DSP: variants seen among roughly 807,000 people sequenced by gnomAD.
DSP encodes the protein desmoplakin, also known as 250/210 kDa paraneoplastic pemphigus antigen.
DSP carries 114 observed loss-of-function variants against 290.6 expected under a neutral mutation model. That is an observed-to-expected ratio of 0.39 (90% CI 0.34 to 0.46). The LOEUF is 0.46. Among genes scored for constraint, DSP ranks in the 20% least tolerant of loss-of-function variants. DSP has a pLI of 0.99. For missense variants in DSP, 3,230 were observed against 3,495.8 expected, an observed-to-expected ratio of 0.92 and a Z score of 1.92; for synonymous variants, 1,311 against 1,316.4, an observed-to-expected ratio of 1.00 and a Z score of 0.09.
intron 20 of DSP, 151 bp from the exon 21 acceptor site, chr6:7,577,628 A>G: frequency 2.7e-6 from 2 of 731,794 alleles, no homozygotes; most frequent in Admixed American, 3.8e-5. Flanking sequence ...ACGCTAATGT[A>G]GTATTAGTTG....
chr6:7,569,480 A>G, intron 12 of DSP, 140 bp downstream of exon 12: 1 of 1,260,754 alleles, frequency 7.9e-7, no homozygotes, highest in East Asian at 2.4e-5. Context: ...AACCTTGTGA[A>G]GGTCACCTTC....
chr6:7,544,283 G>A (rs372578382), intron 1 of DSP, among the ~76,000 whole-genome samples: 1 of 152,296 alleles, frequency 6.6e-6, no homozygotes, highest in African/African-American at 2.4e-5. Flanking sequence ...TGAAGGCAGG[G>A]CATGTCGCAG....
In DSP at chr6:7,581,456, C is replaced by G; in HGVS notation, c.5266C>G (p.Leu1756Val). Residue 1756 changes from leucine to valine, a missense_variant, in exon 23 of 24, where the codon CTG becomes GTG. Physicochemically the swap from Leu to Val is conservative, Grantham distance 32. Coordinates refer to ENST00000379802, the MANE Select transcript of DSP (RefSeq NM_004415.4). ...NATILELRSQLQISNNRTLEL... is the reference protein window; with the variant it reads ...NATILELRSQVQISNNRTLEL... ...AACCATCTTGGAACTAAGGAGCCAG[C>G]TGCAGATCAGCAACAACCGGACCCT... 1 of 1,612,674 alleles carries G rather than the reference C, an allele frequency of 6.2e-7. No homozygotes were observed.
Position 7,569,270 on chromosome 6 carries a change from G to A in DSP, c.1504G>A (p.Asp502Asn), listed in dbSNP as rs750547425. The change falls in exon 12 of 24, where the codon GAC (aspartate) becomes AAC (asparagine). Residue 502 changes from aspartate (D) to asparagine (N), a missense_variant. Transcript: ENST00000379802. ...KWYVTGPGGV[D>N]MLVPSVGLII... ...GTACGTGACGGGCCCGGGAGGCGTT[G>A]ACATGCTTGTTCCCTCTGTGGGGCT... 1.2e-6 allele frequency: 2 copies of A among 1,614,204 alleles called. No homozygotes were observed. The highest frequency in any genetic ancestry group is 1.6e-4 in the Middle Eastern group (1 of 6,062).
rs1487768201 is a variant in DSP at position 7,584,760 on chromosome 6, G to A, written c.7498G>A (p.Glu2500Lys). The part of the protein sequence containing the change: ...YETFKELCEQ[E>K]CEWEEITITG... ...AACCTTCAAAGAACTGTGTGAGCAG[G>A]AATGTGAATGGGAAGAAATAACCAT... The change falls in exon 24 of 24, where the codon GAA (glutamate) becomes AAA (lysine). Residue 2500 changes from glutamate (E) to lysine (K), a missense_variant. Around this residue, in one of 5 missense-constraint regions of DSP, gnomAD observed 582 missense variants for 555.4 expected, o/e 1.05. Coordinates refer to ENST00000379802, the MANE Select transcript of DSP (RefSeq NM_004415.4). The surrounding 1 kb of genome is among the most constrained non-coding windows in gnomAD (Gnocchi z 6.4). 6.2e-7 allele frequency: 1 copy of A among 1,614,224 alleles called. No homozygotes were observed. Among genetic ancestry groups the A allele is most frequent in the Non-Finnish European group, 8.5e-7 (1 of 1,180,040 alleles).
chr6:7,557,238 T>A (rs1418220022), intron 2 of DSP, among the ~76,000 whole-genome samples: 1 of 152,202 alleles, frequency 6.6e-6, no homozygotes, highest in Admixed American at 6.5e-5. Context: ...TATAGACTCA[T>A]AAGAAGTTGC....
Position 7,565,129 on chromosome 6 carries a change from C to T in DSP, c.778-230C>T, listed in dbSNP as rs977891788. Among the ~76,000 whole-genome samples, 3 of 151,688 alleles carry T rather than the reference C, an allele frequency of 2.0e-5. No individual in the cohort carries two copies. The highest frequency in any genetic ancestry group is 7.3e-5 in the African/African-American group (3 of 41,276). ...TGCCACTGCACTCCAGCCTGGGAGA[C>T]GAGAGCGACAGTCCGTCTCAAAAAA... On this transcript the variant is annotated intron_variant, in intron 6 of 23. Coordinates refer to ENST00000379802, the MANE Select transcript of DSP (RefSeq NM_004415.4). This position sits in a 1 kb window ranked among gnomAD's most constrained non-coding sequence, Gnocchi z 4.2.
In DSP at chr6:7,571,838, A is replaced by G. The variant is rs1040751456; in HGVS notation, c.1904-4A>G. On this transcript the variant is annotated splice_polypyrimidine_tract_variant and splice_region_variant and intron_variant, in intron 14 of 23. Transcript: ENST00000379802. ...ATTTTTGTGGCCCTAACTTCTTTTT[A>G]CAGTGACCACAACTGAAATCACTCA... The G allele has an allele frequency of 1.9e-6, 3 of 1,611,488 alleles. No individual in the cohort carries two copies. The African/African-American group carries it at 4.0e-5, about 22-fold the overall frequency.
At position 7,571,962 on chromosome 6, in the gene DSP, T is replaced by G. The variant is rs1341087245; in HGVS notation, c.2024T>G (p.Ile675Ser). ...ETWMLMELQKIRRQIEHCEGR... is the reference protein window; with the variant it reads ...ETWMLMELQKSRRQIEHCEGR... ...TGGATGCTGATGGAGCTGCAGAAGA[T>G]TCGCAGGCAGATAGAGCACTGCGAG... Residue 675 changes from isoleucine (I) to serine (S), a missense_variant, in exon 15 of 24, where the codon ATT (isoleucine) becomes AGT (serine). Around this residue, in one of 5 missense-constraint regions of DSP, gnomAD observed 1,714 missense variants for 1,844.5 expected, o/e 0.93. Coordinates refer to ENST00000379802, the MANE Select transcript of DSP (RefSeq NM_004415.4). 1 of 1,614,160 alleles carries G rather than the reference T, an allele frequency of 6.2e-7. No individual in the cohort carries two copies. The highest frequency in any genetic ancestry group is 1.3e-5 in the African/African-American group (1 of 75,028).
chr6:7,546,118 C>A (rs73373389), intron 1 of DSP, among the ~76,000 whole-genome samples: 1,964 of 152,126 alleles, frequency 0.013, 35 homozygotes, highest in African/African-American at 0.044. Context: ...CTTAAGGAAG[C>A]CATTGCACCA....
Position 7,563,762 on chromosome 6 carries a change from G to A in DSP, c.753G>A (p.Leu251=). The A allele has an allele frequency of 6.2e-7, 1 of 1,613,634 alleles. No individual in the cohort carries two copies. The highest frequency in any genetic ancestry group is 1.1e-5 in the South Asian group (1 of 91,070). ...GCGAGAAATCTGCGATCTACCAGTT[G>A]GAGGAGGAGTATGAAAACCTGCTGG... ...DLREKSAIYQ[L]EEEYENLLKA... The change falls in exon 6 of 24, where the codon TTG becomes TTA. Residue 251 remains leucine, a synonymous_variant. Transcript: ENST00000379802.
intron 3 of DSP, 47 bp from the exon 4 acceptor site, chr6:7,559,179 T>C: frequency 6.2e-7 from 1 of 1,611,606 alleles, no homozygotes. Context: ...GAACGGGTTT[T>C]CATAGGCTGT....
At chr6:7,566,233 G>A (rs1758859948) in intron 7 of DSP, 144 bp from the exon 8 acceptor site, 7 of 724,940 alleles carry the variant, frequency 9.7e-6, no homozygotes, top group Admixed American at 8.4e-5. Context: ...AAAATGCTGT[G>A]ATTCTTGAGG....
At position 7,583,140 on chromosome 6, in the gene DSP, A is replaced by C. The variant is rs1581821210; in HGVS notation, c.5878A>C (p.Thr1960Pro). The C allele has an allele frequency of 6.2e-7, 1 of 1,614,064 alleles. No homozygotes were observed. The highest frequency in any genetic ancestry group is 2.2e-5 in the East Asian group (1 of 44,872). ...AGAGACCCAGACTGAGTGTGAGTGG[A>C]CCGTTGACACCTCCAAGCTGGTGTT... The part of the protein sequence containing the change: ...HRETQTECEW[T>P]VDTSKLVFDG... Residue 1960 changes from threonine to proline, a missense_variant, in exon 24 of 24, where the codon ACC becomes CCC. Thr to Pro is a conservative substitution (Grantham distance 38). Transcript: ENST00000379802. This position sits in a 1 kb window ranked among gnomAD's most constrained non-coding sequence, Gnocchi z 4.0.
At chr6:7,568,026 G>C in intron 10 of DSP, 120 bp downstream of exon 10, 1 of 1,448,840 alleles carries the variant, frequency 6.9e-7, no homozygotes, top group East Asian at 2.5e-5. Flanking sequence ...AGCCAAGCAA[G>C]CATTTTCTTC....
intron 12 of DSP, 147 bp downstream of exon 12, chr6:7,569,487 C>A: frequency 8.4e-7 from 1 of 1,189,426 alleles, no homozygotes; most frequent in Non-Finnish European, 1.2e-6. Flanking sequence ...TGAAGGTCAC[C>A]TTCACTTTGT....
chr6:7,544,208 G>C (rs1758104663), intron 1 of DSP, among the ~76,000 whole-genome samples: 1 of 152,204 alleles, frequency 6.6e-6, no homozygotes, highest in Admixed American at 6.5e-5. Flanking sequence ...GCCTGCAGTG[G>C]TGCTACTGAC....
chr6:7,580,875 C>A lies in DSP; in HGVS notation c.4685C>A (p.Ser1562Tyr), dbSNP rs1157689024. ...CAGGATATCACGCGGTTCCAGAACT[C>A]TCTGAAAGAGCTGCAGCTGCAGAAG... Reference protein sequence around the residue: ...KDQDITRFQNSLKELQLQKQK... With the variant: ...KDQDITRFQNYLKELQLQKQK... The change falls in exon 23 of 24, where the codon TCT (serine) becomes TAT (tyrosine). Residue 1562 changes from serine (S) to tyrosine (Y), a missense_variant. Physicochemically the swap from Ser to Tyr is moderately radical, Grantham distance 144. Transcript: ENST00000379802. The surrounding 1 kb of genome is among the most constrained non-coding windows in gnomAD (Gnocchi z 4.2). 1.2e-5 allele frequency: 19 copies of A among 1,614,046 alleles called. No individual in the cohort carries two copies. Among genetic ancestry groups the A allele is most frequent in the Non-Finnish European group, 1.6e-5 (19 of 1,180,048 alleles).
At chr6:7,563,686 A>G (rs1383000226) in intron 5 of DSP, 50 bp from the exon 6 acceptor site, 6 of 1,513,148 alleles carry the variant, frequency 4.0e-6, no homozygotes, top group Non-Finnish European at 5.5e-6. Context: ...ACTCTTTTCT[A>G]TACAATCCAC....
Sources: allele counts gnomAD v4.1 joint callset (sites outside exome capture counted in the v4.1 genomes callset), GRCh38; gene constraint gnomAD v4.1.1; regional missense constraint gnomAD v4.1.1; non-coding constraint Gnocchi (gnomAD v3.1); transcripts MANE v1.5; gene names NCBI Gene and HGNC (gene_info 2026-07-23, HGNC 2026-07-21).